Variants in RWDD4 observed in about 807,000 individuals in gnomAD.
RWDD4 encodes RWD domain-containing protein 4.
RWDD4 carries 16 observed loss-of-function variants against 30.0 expected under a neutral mutation model. The observed-to-expected ratio is 0.53, with a 90% CI of 0.36 to 0.81. The LOEUF is 0.81. RWDD4 is among the 30% of genes least tolerant of loss of function. The pLI is 0.00. For missense variants in RWDD4, 170 were observed against 223.9 expected, an observed-to-expected ratio of 0.76 and a Z score of 1.54; for synonymous variants, 45 against 72.1, an observed-to-expected ratio of 0.62 and a Z score of 1.90.
intron 4 of RWDD4, among the ~76,000 whole-genome samples, chr4:183,649,907 T>C (rs1438441170): frequency 2.0e-5 from 3 of 152,246 alleles, no homozygotes; most frequent in African/African-American, 7.2e-5. Context: ...TAAAACCTTT[T>C]TTTTTCTTTA....
intron 2 of RWDD4, among the ~76,000 whole-genome samples, chr4:183,655,448 A>AT (rs752873451): frequency 7.3e-5 from 11 of 151,384 alleles, no homozygotes; most frequent in Non-Finnish European, 1.5e-4. Context: ...TGCCCGGCTA[A>AT]TTTTTTGTAT....
intron 2 of RWDD4, among the ~76,000 whole-genome samples, chr4:183,652,535 G>C (rs1266878352): frequency 1.3e-5 from 2 of 151,900 alleles, no homozygotes; most frequent in East Asian, 3.9e-4. Context: ...AAATCAGCTG[G>C]ACACAGTGGC....
chr4:183,651,023 T>G lies in RWDD4; in HGVS notation c.324A>C (p.Lys108Asn). 6.2e-7 allele frequency: 1 copy of G among 1,612,908 alleles called. No homozygotes were observed. The highest frequency in any genetic ancestry group is 8.5e-7 in the Non-Finnish European group (1 of 1,179,976). The change falls in exon 4 of 8, where the codon AAA (lysine) becomes AAC (asparagine). Residue 108 changes from lysine (K) to asparagine (N), a missense_variant. Physicochemically the swap from Lys to Asn is moderately conservative, Grantham distance 94. Transcript: ENST00000326397. ...YTLFEYAKDN[K>N]EQFMENHNPI... Reference sequence around the variant, plus strand: ...GATTGTGATTCTCCATGAACTGCTCTTTATTGTCTTTGGCATATTCAAACA... The same window carrying G: ...GATTGTGATTCTCCATGAACTGCTCGTTATTGTCTTTGGCATATTCAAACA...
chr4:183,656,670 G>A (rs1326894481), intron 1 of RWDD4, among the ~76,000 whole-genome samples: 2 of 152,180 alleles, frequency 1.3e-5, no homozygotes, highest in Non-Finnish European at 2.9e-5. Context: ...AAAGATGCAT[G>A]TCATGAATTC....
intron 7 of RWDD4, among the ~76,000 whole-genome samples, chr4:183,645,311 T>C (rs1346088818): frequency 1.3e-5 from 2 of 152,202 alleles, no homozygotes; most frequent in Non-Finnish European, 2.9e-5. Context: ...TAATTTACTA[T>C]GTTAAATATT....
At chr4:183,652,392 A>C in intron 2 of RWDD4, among the ~76,000 whole-genome samples, 4 of 113,130 alleles carry the variant, frequency 3.5e-5, no homozygotes, top group Admixed American at 1.1e-4. Context: ...ACAGGGTCTC[A>C]CTCCATTGCC....
intron 2 of RWDD4, among the ~76,000 whole-genome samples, chr4:183,652,571 G>A (rs1048248954): frequency 9.2e-5 from 14 of 152,058 alleles, no homozygotes; most frequent in African/African-American, 2.6e-4. Flanking sequence ...CAGCACTTTG[G>A]GAGGCCAAGG....
chr4:183,654,604 T>C (rs958589385), intron 2 of RWDD4, among the ~76,000 whole-genome samples: 1 of 152,208 alleles, frequency 6.6e-6, no homozygotes, highest in Non-Finnish European at 1.5e-5. Flanking sequence ...TCTAAATCAC[T>C]GCCATTGTGA....
chr4:183,652,362 T>TTTTTTTC (rs1734096019), intron 2 of RWDD4, among the ~76,000 whole-genome samples: 1 of 14,310 alleles, frequency 7.0e-5, no homozygotes, highest in South Asian at 4.2e-3. Flanking sequence ...CTCCCCTGGC[T>TTTTTTTC]TTTTTTTTTT....
intron 1 of RWDD4, among the ~76,000 whole-genome samples, chr4:183,657,020 C>T (rs1734207754): frequency 1.4e-5 from 2 of 147,234 alleles, no homozygotes; most frequent in African/African-American, 5.1e-5. Flanking sequence ...AGCGAGGCTC[C>T]GTCTCAAAAA....
intron 2 of RWDD4, among the ~76,000 whole-genome samples, chr4:183,652,774 C>T (rs1350858734): frequency 2.0e-5 from 3 of 147,230 alleles, no homozygotes; most frequent in East Asian, 2.0e-4. Context: ...AGTGCCACTG[C>T]ACTACAGCCT....
intron 1 of RWDD4, among the ~76,000 whole-genome samples, chr4:183,658,593 T>C (rs1362523448): frequency 6.6e-6 from 1 of 152,188 alleles, no homozygotes; most frequent in Non-Finnish European, 1.5e-5. Flanking sequence ...TTAAAGGTGA[T>C]CAGCCTAACT....
chr4:183,648,250 A>AAAAAG (rs552925059), intron 5 of RWDD4, among the ~76,000 whole-genome samples: 27,744 of 132,468 alleles, frequency 0.21, 3,841 homozygotes, highest in African/African-American at 0.41. Context: ...AGAAAAAAGA[A>AAAAAG]AAAAAAAAAA....
intron 7 of RWDD4, among the ~76,000 whole-genome samples, chr4:183,644,853 T>C (rs968948715): frequency 3.3e-5 from 5 of 151,820 alleles, no homozygotes; most frequent in African/African-American, 9.7e-5. Context: ...TCCCAGTACT[T>C]TGGGAGGCCA....
In RWDD4 at chr4:183,642,185, AT is replaced by A. The variant is rs1009902870; in HGVS notation, c.535-718del. ...CTGAGGACCTCTTTCCATTCTTAAA[AT>A]TTTTTTTTTTTTTTTTTTTTTGAGA... On this transcript the variant is annotated intron_variant, in intron 7 of 7. Coordinates refer to ENST00000326397, the MANE Select transcript of RWDD4 (RefSeq NM_152682.4). 3.3e-3 allele frequency among the ~76,000 whole-genome samples: 320 copies of A among 97,124 alleles called. 15 individuals carry two copies. The highest frequency in any genetic ancestry group is 5.7e-3 in the African/African-American group (110 of 19,382). 63.7% of individuals were successfully genotyped at this position (97,124 alleles called of 152,430 possible).
chr4:183,651,864 C>T (rs565873970), intron 2 of RWDD4, among the ~76,000 whole-genome samples: 2 of 152,270 alleles, frequency 1.3e-5, no homozygotes, highest in African/African-American at 2.4e-5. Flanking sequence ...AATAAAGACG[C>T]CCTTGTTTCT....
intron 7 of RWDD4, among the ~76,000 whole-genome samples, chr4:183,643,437 A>AAAAAAAAAAAC: frequency 6.9e-6 from 1 of 145,196 alleles, no homozygotes; most frequent in African/African-American, 2.5e-5. Context: ...AAAAAAAAAA[A>AAAAAAAAAAAC]AAAAAAAAAA....
intron 7 of RWDD4, 129 bp from the exon 8 acceptor site, chr4:183,641,597 T>G: frequency 1.4e-6 from 1 of 713,512 alleles, no homozygotes; most frequent in Non-Finnish European, 2.5e-6. Context: ...TTTTACCACA[T>G]GTAGCTACTT....
chr4:183,643,785 G>A (rs1733915641), intron 7 of RWDD4, among the ~76,000 whole-genome samples: 1 of 152,152 alleles, frequency 6.6e-6, no homozygotes, highest in African/African-American at 2.4e-5. Flanking sequence ...AGGTGTGGTG[G>A]CAAGCGCCTG....
Sources: gnomAD v4.1 joint callset for allele counts (sites outside exome capture counted in the v4.1 genomes callset) on GRCh38, gnomAD v4.1.1 for gene constraint, MANE v1.5 for transcripts, NCBI Gene and HGNC (gene_info 2026-07-23, HGNC 2026-07-21) for gene names.